Variants in SIMC1 observed in about 807,000 individuals in gnomAD.
The protein encoded by SIMC1 is SUMO-interacting motif-containing protein 1.
A neutral mutation model predicts 82.3 loss-of-function variants in SIMC1; 55 were observed. The ratio of observed to expected loss-of-function variants is 0.67; its 90% CI spans 0.54 to 0.84. The LOEUF (loss-of-function observed/expected upper bound fraction) is 0.84. SIMC1 is among the 40% of genes least tolerant of loss of function. SIMC1 has a pLI of 0.00. For synonymous variants in SIMC1, 353 were observed against 426.3 expected (o/e 0.83, Z 2.12); for missense variants, 915 against 1,107.2 (o/e 0.83, Z 2.46).
At chr5:176,342,204 A>G (rs1354885675) in intron 9 of SIMC1, among the ~76,000 whole-genome samples, 1 of 152,220 alleles carries the variant, frequency 6.6e-6, no homozygotes, top group Non-Finnish European at 1.5e-5. Context: ...CAAAGTCTAC[A>G]AAAAGGCTCT....
intron 1 of SIMC1, among the ~76,000 whole-genome samples, chr5:176,287,006 T>C (rs952078183): frequency 6.6e-6 from 1 of 152,076 alleles, no homozygotes; most frequent in Non-Finnish European, 1.5e-5. Context: ...TGTGAAGAAA[T>C]AGGAACACTT....
intron 1 of SIMC1, among the ~76,000 whole-genome samples, chr5:176,280,091 A>T (rs1294451632): frequency 3.9e-5 from 6 of 152,064 alleles, no homozygotes; most frequent in Admixed American, 6.5e-5. Context: ...GTCTCCCATT[A>T]TTAATGTGTG....
intron 1 of SIMC1, among the ~76,000 whole-genome samples, chr5:176,256,867 T>C (rs936724000): frequency 9.9e-5 from 15 of 152,172 alleles, no homozygotes; most frequent in Non-Finnish European, 2.1e-4. Flanking sequence ...TCAAGTCTCC[T>C]GAGTAGGCAG....
intron 1 of SIMC1, among the ~76,000 whole-genome samples, chr5:176,247,382 G>A (rs1761486852): frequency 6.6e-6 from 1 of 152,070 alleles, no homozygotes. Context: ...TTTTTCATAT[G>A]TTTGTGGGCC....
intron 1 of SIMC1, among the ~76,000 whole-genome samples, chr5:176,256,103 A>G (rs1405987698): frequency 6.6e-6 from 1 of 152,210 alleles, no homozygotes; most frequent in Admixed American, 6.5e-5. Flanking sequence ...AAGAAGATTC[A>G]TTTTAAAACT....
chr5:176,336,095 G>GGAGA (rs368859567), intron 7 of SIMC1, among the ~76,000 whole-genome samples: 1 of 147,298 alleles, frequency 6.8e-6, no homozygotes, highest in Non-Finnish European at 1.5e-5. Context: ...GCAGGGAGGG[G>GGAGA]GAGAGAGAGA....
At chr5:176,259,275 C>G (rs533323581) in intron 1 of SIMC1, among the ~76,000 whole-genome samples, 3 of 151,128 alleles carry the variant, frequency 2.0e-5, no homozygotes, top group Admixed American at 6.6e-5. Context: ...AGACCAGCCT[C>G]GACAATATGG....
intron 1 of SIMC1, among the ~76,000 whole-genome samples, chr5:176,256,484 T>A (rs945376856): frequency 6.6e-6 from 1 of 152,216 alleles, no homozygotes; most frequent in Non-Finnish European, 1.5e-5. Flanking sequence ...GTTTTGTCCT[T>A]CTTTCTTAAA....
chr5:176,318,833 G>A (rs190644011), intron 5 of SIMC1, among the ~76,000 whole-genome samples: 118 of 152,304 alleles, frequency 7.7e-4, no homozygotes, highest in Non-Finnish European at 8.8e-4. Context: ...GTAGTCGGGC[G>A]TGGTGGCTCA....
intron 2 of SIMC1, among the ~76,000 whole-genome samples, chr5:176,293,004 G>C (rs773643309): frequency 6.6e-6 from 1 of 152,042 alleles, no homozygotes; most frequent in East Asian, 1.9e-4. Context: ...TGAAGTTTAC[G>C]CCACGTGTGT....
chr5:176,329,243 T>C (rs1048430003), intron 7 of SIMC1, among the ~76,000 whole-genome samples: 1 of 152,044 alleles, frequency 6.6e-6, no homozygotes, highest in African/African-American at 2.4e-5. Context: ...AGGCCGAGAC[T>C]GGCGGATCAC....
At chr5:176,305,548 G>C (rs1429210531) in intron 4 of SIMC1, among the ~76,000 whole-genome samples, 1 of 137,602 alleles carries the variant, frequency 7.3e-6, no homozygotes, top group Non-Finnish European at 1.6e-5. Flanking sequence ...TCAGCCCCCC[G>C]CCTGGCCAGC....
intron 2 of SIMC1, 104 bp from the exon 3 acceptor site, chr5:176,294,926 C>G: frequency 7.1e-7 from 1 of 1,400,546 alleles, no homozygotes; most frequent in Non-Finnish European, 9.3e-7. Context: ...GATCACGCCA[C>G]TGCACTCCAG....
intron 2 of SIMC1, among the ~76,000 whole-genome samples, chr5:176,291,209 G>C (rs1763549921): frequency 6.8e-6 from 1 of 146,366 alleles, no homozygotes; most frequent in Non-Finnish European, 1.5e-5. Flanking sequence ...TGTCTCCCAG[G>C]CTAGAGTGCA....
chr5:176,305,145 G>GT (rs1764259798), intron 4 of SIMC1, among the ~76,000 whole-genome samples: 1 of 125,208 alleles, frequency 8.0e-6, no homozygotes, highest in African/African-American at 2.8e-5. Flanking sequence ...GAGGGGGGGG[G>GT]GGTCAGCCCC....
In SIMC1 at chr5:176,306,663, A is replaced by T. The variant is rs866669073; in HGVS notation, c.1735-7028A>T. 1.1e-3 allele frequency among the ~76,000 whole-genome samples: 174 copies of T among 151,662 alleles called. 1 individual carries two copies. Among genetic ancestry groups the T allele is most frequent in the African/African-American group, 4.0e-3 (166 of 41,316 alleles). ...TGTGCTGTGTCCACTCAGGGTTAAAAGGATTAAGGGCGGTGCAAGATGTGC... is the reference window on the plus strand; with the variant it reads ...TGTGCTGTGTCCACTCAGGGTTAAATGGATTAAGGGCGGTGCAAGATGTGC... On this transcript the variant is annotated intron_variant, in intron 4 of 9. Coordinates refer to ENST00000429602, the MANE Select transcript of SIMC1 (RefSeq NM_001308195.2).
chr5:176,313,691 G>A lies in SIMC1; in HGVS notation c.1735G>A (p.Gly579Arg). 2.5e-6 allele frequency: 4 copies of A among 1,613,276 alleles called. No homozygotes were observed. The highest frequency in any genetic ancestry group is 2.2e-5 in the South Asian group (2 of 90,966). Reference sequence around the variant, plus strand: ...TGACTTCTCATTCTTTTTCCCACAGGGACAAACTCTGCCTGGGCGAGTCCT... The same window carrying A: ...TGACTTCTCATTCTTTTTCCCACAGAGACAAACTCTGCCTGGGCGAGTCCT... Reference protein sequence around the residue: ...KLLTYVMEEEGQTLPGRVLFL... With the variant: ...KLLTYVMEEERQTLPGRVLFL... Residue 579 changes from glycine (G) to arginine (R), a missense_variant and splice_region_variant, in exon 5 of 10, where the codon GGA (glycine) becomes AGA (arginine). Coordinates refer to ENST00000429602, the MANE Select transcript of SIMC1 (RefSeq NM_001308195.2).
chr5:176,259,764 C>G (rs1443263314), intron 1 of SIMC1, among the ~76,000 whole-genome samples: 1 of 151,228 alleles, frequency 6.6e-6, no homozygotes, highest in African/African-American at 2.4e-5. Flanking sequence ...CAGAGCAAGA[C>G]TCTATCTCAA....
rs186497442 is a variant in SIMC1 at position 176,280,175 on chromosome 5, A to T, written c.130-9479A>T. 3.7e-3 allele frequency among the ~76,000 whole-genome samples: 563 copies of T among 152,268 alleles called. 3 individuals are homozygous for T. Among genetic ancestry groups the T allele is most frequent in the African/African-American group, 0.013 (535 of 41,544 alleles). ...GGGTGCTCCTGTATTGGGTGTATAT[A>T]TATTTAGGATAGTTAGGTCTTCTTG... On this transcript the variant is annotated intron_variant, in intron 1 of 9. Coordinates refer to ENST00000429602, the MANE Select transcript of SIMC1 (RefSeq NM_001308195.2).
Sources: gnomAD v4.1 joint callset for allele counts (sites outside exome capture counted in the v4.1 genomes callset) on GRCh38, gnomAD v4.1.1 for gene constraint, MANE v1.5 for transcripts, NCBI Gene and HGNC (gene_info 2026-07-23, HGNC 2026-07-21) for gene names.